The following KDM7A variants were observed in gnomAD, a reference collection of about 807,000 sequenced individuals.
KDM7A encodes lysine demethylase 7A.
Under a neutral mutation model 114.8 loss-of-function variants are expected in KDM7A, and 28 were observed. The ratio of observed to expected loss-of-function variants is 0.24; its 90% CI spans 0.18 to 0.33. The LOEUF (loss-of-function observed/expected upper bound fraction) is 0.33, where lower values mean the gene tolerates loss of function less well. Ranked by LOEUF, KDM7A falls within the 10% of genes least tolerant of loss-of-function variation. KDM7A has a pLI of 1.00. For synonymous variants in KDM7A, 423 were observed against 397.8 expected (o/e 1.06, Z -0.75); for missense variants, 942 against 1,142.5 (o/e 0.82, Z 2.53).
At chr7:140,095,737 G>A (rs996843548) in intron 17 of KDM7A, 35 of 200,918 alleles carry the variant, frequency 1.7e-4, no homozygotes, top group Admixed American at 1.1e-3. Context: ...AAATTAGCCA[G>A]GTGTGGTGAC....
At position 140,111,121 on chromosome 7, in the gene KDM7A, G is replaced by C. The variant is rs779934059; in HGVS notation, c.1402C>G (p.Leu468Val). 4 of 1,601,090 alleles carry C rather than the reference G, an allele frequency of 2.5e-6. No individual in the cohort carries two copies. The highest frequency in any genetic ancestry group is 1.1e-5 in the South Asian group (1 of 90,472). ...TCTATTGCTCGAATTACTTTAGAAA[G>C]TTCTTTAATAAGGTGTCCAGGTCTA... is the stretch of plus-strand genomic sequence containing the variant. ...NVRPGHLIKE[L>V]SKVIRAIEEE... Residue 468 changes from leucine (L) to valine (V), a missense_variant, in exon 11 of 20, where the codon CTT becomes GTT. This residue lies in a region of KDM7A where 512 missense variants were observed against 576.6 expected (regional missense o/e 0.89). Coordinates refer to ENST00000397560, the MANE Select transcript of KDM7A (RefSeq NM_030647.2).
intron 1 of KDM7A, among the ~76,000 whole-genome samples, chr7:140,167,857 C>T (rs1425140823): frequency 6.6e-6 from 1 of 151,896 alleles, no homozygotes; most frequent in Non-Finnish European, 1.5e-5. Flanking sequence ...GAAGAGAATA[C>T]TTAGAACATT....
chr7:140,129,371 G>A, intron 4 of KDM7A, 122 bp downstream of exon 4: 2 of 786,250 alleles, frequency 2.5e-6, no homozygotes, highest in African/African-American at 1.8e-5. Flanking sequence ...ATGATACTGA[G>A]CCTCACTTTT....
At chr7:140,112,274 C>G (rs925754382) in intron 10 of KDM7A, among the ~76,000 whole-genome samples, 1 of 152,076 alleles carries the variant, frequency 6.6e-6, no homozygotes, top group Non-Finnish European at 1.5e-5. Context: ...CCCAGTATTT[C>G]TTAAGAGCAA....
intron 1 of KDM7A, among the ~76,000 whole-genome samples, chr7:140,151,329 G>T (rs188105454): frequency 9.0e-4 from 137 of 152,260 alleles, no homozygotes; most frequent in African/African-American, 2.8e-3. Context: ...ATTTAATTCA[G>T]AATTTCCCAT....
chr7:140,107,278 G>A (rs538020797), intron 11 of KDM7A, among the ~76,000 whole-genome samples: 9 of 152,242 alleles, frequency 5.9e-5, no homozygotes, highest in African/African-American at 1.7e-4. Context: ...TACATTTAAG[G>A]TTAATATTGT....
chr7:140,135,405 G>T (rs1375380862), intron 2 of KDM7A, among the ~76,000 whole-genome samples: 1 of 152,026 alleles, frequency 6.6e-6, no homozygotes, highest in Non-Finnish European at 1.5e-5. Context: ...GTTTCACCAT[G>T]TTGGCCAGGA....
intron 1 of KDM7A, among the ~76,000 whole-genome samples, chr7:140,160,080 C>T (rs951715855): frequency 2.0e-5 from 3 of 151,858 alleles, no homozygotes; most frequent in East Asian, 3.9e-4. Context: ...TATTTTCTTA[C>T]ACCTATTAAA....
At chr7:140,130,939 C>T (rs541505015) in intron 3 of KDM7A, among the ~76,000 whole-genome samples, 8 of 149,750 alleles carry the variant, frequency 5.3e-5, no homozygotes, top group Non-Finnish European at 7.4e-5. Flanking sequence ...CTGCAAGCTC[C>T]GCCTCCTGGG....
chr7:140,109,536 A>G (rs1021845370), intron 11 of KDM7A, among the ~76,000 whole-genome samples: 1 of 152,234 alleles, frequency 6.6e-6, no homozygotes, highest in Non-Finnish European at 1.5e-5. Flanking sequence ...TAATGCTGCT[A>G]TAAACGTAGG....
chr7:140,112,609 TAA>T (rs1390606811), intron 10 of KDM7A, among the ~76,000 whole-genome samples: 4 of 137,448 alleles, frequency 2.9e-5, no homozygotes, highest in African/African-American at 2.7e-5. Flanking sequence ...AGACTCTGTC[TAA>T]AAAAAAAAAA....
In KDM7A at chr7:140,166,334, CCTTTTT is replaced by C. The variant is rs1359603310; in HGVS notation, c.194+10404_194+10409del. Among the ~76,000 whole-genome samples, 5 of 144,502 alleles carry C rather than the reference CCTTTTT, an allele frequency of 3.5e-5. No individual in the cohort carries two copies. In the East Asian group the frequency reaches 9.8e-4, roughly 28 times the overall value. 94.8% of individuals were successfully genotyped at this position (144,502 alleles called of 152,430 possible). The stretch of plus-strand genomic sequence containing the variant: ...ATAAAATTGAGGAATACTTTTTTTT[CCTTTTT>C]TTTTTTTTTTTTTTTTTGAGGCAGG... On this transcript the variant is annotated intron_variant, in intron 1 of 19. Transcript: ENST00000397560.
At chr7:140,100,756 T>C (rs1370779730) in intron 12 of KDM7A, among the ~76,000 whole-genome samples, 1 of 109,010 alleles carries the variant, frequency 9.2e-6, no homozygotes, top group Non-Finnish European at 1.9e-5. Flanking sequence ...ATATATTTTT[T>C]TGTTTGTTTG....
intron 1 of KDM7A, among the ~76,000 whole-genome samples, chr7:140,145,683 A>C (rs1356091840): frequency 6.6e-6 from 1 of 152,202 alleles, no homozygotes; most frequent in African/African-American, 2.4e-5. Flanking sequence ...CAGAAACTCA[A>C]TGTTAACAGA....
chr7:140,135,174 A>AT (rs1244465708), intron 2 of KDM7A, among the ~76,000 whole-genome samples: 3 of 147,240 alleles, frequency 2.0e-5, no homozygotes, highest in East Asian at 4.0e-4. Flanking sequence ...TTCATTCCAG[A>AT]TTTTTTCTAC....
At chr7:140,164,909 CTCTT>C (rs1264085968) in intron 1 of KDM7A, among the ~76,000 whole-genome samples, 7 of 152,310 alleles carry the variant, frequency 4.6e-5, no homozygotes, top group African/African-American at 1.7e-4. Context: ...CTGGTATCTT[CTCTT>C]TAAGAAAAAT....
chr7:140,176,811 G>C lies in KDM7A; in HGVS notation c.127C>G (p.Arg43Gly). 7.1e-7 allele frequency: 1 copy of C among 1,410,142 alleles called. No individual in the cohort carries two copies. The allele number at this position is 1,410,142 out of a possible 1,614,324, so 87.4% of individuals were successfully genotyped here. The change falls in exon 1 of 20, where the codon CGG (arginine) becomes GGG (glycine). Residue 43 changes from arginine (R) to glycine (G), a missense_variant. Around this residue, in one of 4 missense-constraint regions of KDM7A, gnomAD observed 112 missense variants for 96.2 expected, o/e 1.16. Transcript: ENST00000397560. The surrounding 1 kb of genome is among the most constrained non-coding windows in gnomAD (Gnocchi z 4.4). ...AAGCGGTTCACGTCGTACGGCTGCC[G>C]GCACACACAGTACACGGGCGGGGGC... ...PPPPPVYCVCRQPYDVNRFMI... is the reference protein window; with the variant it reads ...PPPPPVYCVCGQPYDVNRFMI...
intron 10 of KDM7A, 76 bp from the exon 11 acceptor site, chr7:140,111,260 A>G (rs1203730220): frequency 2.2e-6 from 2 of 915,124 alleles, no homozygotes; most frequent in Non-Finnish European, 3.4e-6. Context: ...TTACTAAACC[A>G]ATTTTTGGAT....
rs1176258400 is a variant in KDM7A at position 140,133,652 on chromosome 7, T to G, written c.285A>C (p.Lys95Asn). ...CAVLHGSSLM[K>N]KRRNWHRHDY... The stretch of plus-strand genomic sequence containing the variant: ...CATGTCTGTGCCAGTTCCTCCTTTT[T>G]TTCACTGGATTTTTAAAAGATTAAA... Residue 95 changes from lysine to asparagine, a missense_variant, in exon 3 of 20, where the codon AAA becomes AAC. By Grantham distance (94) the Lys-to-Asn change is moderately conservative. Around this residue, in one of 4 missense-constraint regions of KDM7A, gnomAD observed 318 missense variants for 453.1 expected, o/e 0.70. Coordinates refer to ENST00000397560, the MANE Select transcript of KDM7A (RefSeq NM_030647.2). The G allele has an allele frequency of 6.4e-7, 1 of 1,566,598 alleles. No individual in the cohort carries two copies. The highest frequency in any genetic ancestry group is 1.8e-5 in the Admixed American group (1 of 56,748).
Sources: gnomAD v4.1 joint callset for allele counts (sites outside exome capture counted in the v4.1 genomes callset) on GRCh38, gnomAD v4.1.1 for gene constraint, gnomAD v4.1.1 regional missense constraint, Gnocchi (gnomAD v3.1) non-coding constraint, MANE v1.5 for transcripts, NCBI Gene and HGNC (gene_info 2026-07-23, HGNC 2026-07-21) for gene names.